ADAMTS20: variants seen among roughly 807,000 people sequenced by gnomAD.
ADAMTS20 encodes the protein A disintegrin and metalloproteinase with thrombospondin motifs 20.
A neutral mutation model predicts 260.1 loss-of-function variants in ADAMTS20; 225 were observed. That is an observed-to-expected ratio of 0.87 (90% CI 0.78 to 0.97). The LOEUF is 0.97. Ranked by LOEUF, ADAMTS20 falls within the 50% of genes least tolerant of loss-of-function variation. The probability of loss-of-function intolerance (pLI) is 0.00; values close to 1 mark genes in which losing one functional copy is unlikely to be tolerated. For synonymous variants in ADAMTS20, 802 were observed against 769.5 expected (o/e 1.04, Z -0.70); for missense variants, 2,400 against 2,337.7 (o/e 1.03, Z -0.55).
rs1298993384 is a variant in ADAMTS20, at chr12:43,356,558, C to A, written c.5569G>T (p.Gly1857Trp). The change falls in exon 38 of 39, where the codon GGG (glycine) becomes TGG (tryptophan). Residue 1857 changes from glycine to tryptophan, a missense_variant. Coordinates refer to ENST00000389420, the MANE Select transcript of ADAMTS20 (RefSeq NM_025003.5). ...TTTGCTGTGCTGGATATCTTCATCC[C>A]AGTTCCTGACAAATTAATGCTAAAC... ...GQFSINLSGT[G>W]MKISSTAKWL... 1 of 1,611,898 alleles carries A rather than the reference C, an allele frequency of 6.2e-7. No homozygotes were observed. Among genetic ancestry groups the A allele is most frequent in the Admixed American group, 1.7e-5 (1 of 59,802 alleles).
intron 36 of ADAMTS20, among the ~76,000 whole-genome samples, chr12:43,374,013 T>TA (rs1176460358): frequency 2.0e-5 from 3 of 150,932 alleles, no homozygotes; most frequent in African/African-American, 7.3e-5. Context: ...CAAACAAGAA[T>TA]AAAAAAAGAA....
intron 3 of ADAMTS20, among the ~76,000 whole-genome samples, chr12:43,520,598 T>C (rs1189260849): frequency 6.6e-6 from 1 of 152,334 alleles, no homozygotes; most frequent in East Asian, 1.9e-4. Context: ...TTAATGCTTT[T>C]AGCAAGTAGA....
chr12:43,447,034 G>A (rs1270777645), intron 14 of ADAMTS20, among the ~76,000 whole-genome samples: 2 of 151,854 alleles, frequency 1.3e-5, no homozygotes, highest in Non-Finnish European at 2.9e-5. Flanking sequence ...AGGATCACAC[G>A]ATTCCCAGCT....
intron 3 of ADAMTS20, among the ~76,000 whole-genome samples, chr12:43,512,262 A>G (rs1565577768): frequency 6.7e-6 from 1 of 148,868 alleles, no homozygotes; most frequent in East Asian, 1.9e-4. Flanking sequence ...GTGAGGAACA[A>G]GAAGGTTAAA....
Position 43,383,676 on chromosome 12 carries a change from T to A in ADAMTS20, c.4679A>T (p.Asp1560Val). ...KDSHQRMECTDNQIRQVNEIV... is the reference protein window; with the variant it reads ...KDSHQRMECTVNQIRQVNEIV... ...TTCATTCACTTGTCTGATTTGGTTA[T>A]CTGTGCACTCCATTCGTTGATGTGA... Residue 1560 changes from aspartate (D) to valine (V), a missense_variant, in exon 31 of 39, where the codon GAT (aspartate) becomes GTT (valine). Transcript: ENST00000389420. The A allele has an allele frequency of 6.2e-7, 1 of 1,613,980 alleles. No individual in the cohort carries two copies. Among genetic ancestry groups the A allele is most frequent in the Non-Finnish European group, 8.5e-7 (1 of 1,179,854 alleles).
chr12:43,431,159 G>A, intron 22 of ADAMTS20, among the ~76,000 whole-genome samples, 173 bp downstream of exon 22: 1 of 152,222 alleles, frequency 6.6e-6, no homozygotes, highest in African/African-American at 2.4e-5. Flanking sequence ...AGAAAAATTA[G>A]CAGTACTATC....
At chr12:43,529,455 T>C (rs545943321) in intron 3 of ADAMTS20, among the ~76,000 whole-genome samples, 43 of 152,242 alleles carry the variant, frequency 2.8e-4, no homozygotes, top group African/African-American at 8.4e-4. Context: ...ATATACACCA[T>C]GGAATACTAC....
intron 2 of ADAMTS20, among the ~76,000 whole-genome samples, chr12:43,542,316 G>A (rs1015349073): frequency 6.6e-6 from 1 of 152,088 alleles, no homozygotes; most frequent in Admixed American, 6.6e-5. Flanking sequence ...ACATACTCAT[G>A]ATATATTGTC....
rs1941772280 is a variant in ADAMTS20 at position 43,446,856 on chromosome 12, T to C, written c.2080-144A>G. 7 of 654,726 alleles carry C rather than the reference T, an allele frequency of 1.1e-5. No individual in the cohort carries two copies. In the Middle Eastern group the frequency reaches 9.6e-4, roughly 90 times the overall value. The allele number at this position is 654,726 out of a possible 1,614,324, so 40.6% of individuals were successfully genotyped here. A position where few individuals can be genotyped will look rare whatever the true frequency, so the allele number is the denominator to read the frequency against. ...TATAGATAACTCTCAGAGGCTACTA[T>C]GAACACCTCTATGCACATGAACTAG... On this transcript the variant is annotated intron_variant, in intron 14 of 38. Coordinates refer to ENST00000389420, the MANE Select transcript of ADAMTS20 (RefSeq NM_025003.5).
At chr12:43,522,662 G>C (rs760628944) in intron 3 of ADAMTS20, among the ~76,000 whole-genome samples, 24 of 152,252 alleles carry the variant, frequency 1.6e-4, no homozygotes, top group Admixed American at 9.2e-4. Context: ...AATCTTTTTA[G>C]GGTCCTTCCT....
chr12:43,455,971 A>G (rs1941957902), intron 11 of ADAMTS20, among the ~76,000 whole-genome samples: 1 of 152,186 alleles, frequency 6.6e-6, no homozygotes, highest in Admixed American at 6.5e-5. Flanking sequence ...AAATGCTGCT[A>G]TGAGTATGAG....
At chr12:43,363,037 A>T (rs994215786) in intron 37 of ADAMTS20, among the ~76,000 whole-genome samples, 1 of 152,134 alleles carries the variant, frequency 6.6e-6, no homozygotes, top group African/African-American at 2.4e-5. Flanking sequence ...CTACCAAGAA[A>T]AAAAAAAGAA....
At chr12:43,444,848 A>C (rs926952263) in intron 15 of ADAMTS20, among the ~76,000 whole-genome samples, 2 of 152,212 alleles carry the variant, frequency 1.3e-5, no homozygotes, top group African/African-American at 4.8e-5. Flanking sequence ...TTAAATTTAC[A>C]ACCCTAATGT....
intron 28 of ADAMTS20, among the ~76,000 whole-genome samples, chr12:43,413,988 G>A (rs1456186302): frequency 6.6e-6 from 1 of 152,012 alleles, no homozygotes; most frequent in Admixed American, 6.6e-5. Context: ...ACTCTCTTAT[G>A]TCCTGATCTA....
intron 3 of ADAMTS20, among the ~76,000 whole-genome samples, chr12:43,516,044 C>T (rs1029557017): frequency 9.2e-5 from 14 of 151,916 alleles, no homozygotes; most frequent in Admixed American, 2.0e-4. Context: ...CCCACCCCAC[C>T]GCCCCACCGC....
chr12:43,502,953 T>C lies in ADAMTS20; in HGVS notation c.614-548A>G, dbSNP rs139836576. Among the ~76,000 whole-genome samples, 29 of 152,318 alleles carry C rather than the reference T, an allele frequency of 1.9e-4. No homozygotes were observed. In the East Asian group the frequency reaches 5.2e-3, roughly 27 times the overall value. Reference sequence around the variant, plus strand: ...TTGAATCCAGAAAGGCAAATGTTCCTATAAATTTTTTAGTACTTGATTATA... The same window carrying C: ...TTGAATCCAGAAAGGCAAATGTTCCCATAAATTTTTTAGTACTTGATTATA... On this transcript the variant is annotated intron_variant, in intron 3 of 38. Coordinates refer to ENST00000389420, the MANE Select transcript of ADAMTS20 (RefSeq NM_025003.5).
intron 32 of ADAMTS20, 35 bp downstream of exon 32, chr12:43,377,330 T>C (rs754515247): frequency 9.0e-6 from 14 of 1,551,682 alleles, no homozygotes; most frequent in Non-Finnish European, 1.2e-5. Flanking sequence ...GAAAGTCTTA[T>C]TCAGAAGTTT....
In ADAMTS20 at chr12:43,405,232, A is replaced by C. The variant is rs1411719397; in HGVS notation, c.4285-5999T>G. ...ACAAAATGAGACCTCATCTCTACAA[A>C]AAAAAAAAAAAAAAAAAAAAAAAAA... On this transcript the variant is annotated intron_variant, in intron 28 of 38. Coordinates refer to ENST00000389420, the MANE Select transcript of ADAMTS20 (RefSeq NM_025003.5). 4.5e-5 allele frequency among the ~76,000 whole-genome samples: 5 copies of C among 112,258 alleles called. 1 individual carries two copies. The East Asian group carries it at 7.9e-4, about 18-fold the overall frequency. The allele number at this position is 112,258 out of a possible 152,430, so 73.6% of individuals were successfully genotyped here.
chr12:43,377,771 T>C (rs1025653386), intron 31 of ADAMTS20, among the ~76,000 whole-genome samples: 1 of 151,444 alleles, frequency 6.6e-6, no homozygotes, highest in Non-Finnish European at 1.5e-5. Flanking sequence ...AGATCCAGGC[T>C]AGATTTTCTA....
Sources: gnomAD v4.1 joint callset for allele counts (sites outside exome capture counted in the v4.1 genomes callset) on GRCh38, gnomAD v4.1.1 for gene constraint, MANE v1.5 for transcripts, NCBI Gene and HGNC (gene_info 2026-07-23, HGNC 2026-07-21) for gene names.